CTNNA2: variants seen among roughly 807,000 people sequenced by gnomAD.
The protein encoded by CTNNA2 is catenin alpha-2.
Under a neutral mutation model 101.0 loss-of-function variants are expected in CTNNA2, and 42 were observed. The ratio of observed to expected loss-of-function variants is 0.42; its 90% CI spans 0.32 to 0.54. The LOEUF (loss-of-function observed/expected upper bound fraction) is 0.54. CTNNA2 is among the 20% of genes least tolerant of loss of function. The pLI is 0.14. For missense variants in CTNNA2, 871 were observed against 1,223.1 expected, an observed-to-expected ratio of 0.71 and a Z score of 4.29; for synonymous variants, 450 against 456.4, an observed-to-expected ratio of 0.99 and a Z score of 0.18.
rs772613500 is a variant in CTNNA2 at position 79,932,017 on chromosome 2, C to T, written c.1056+22220C>T. On this transcript the variant is annotated intron_variant, in intron 7 of 18. Transcript: ENST00000402739. ...TGCGGTCAGCAACTGCCCATTGAGC[C>T]TCTCTCACACCTTCAGATTCTTTGA... Among the ~76,000 whole-genome samples, 28 of 152,208 alleles carry T rather than the reference C, an allele frequency of 1.8e-4. 1 individual carries two copies. The highest frequency in any genetic ancestry group is 1.2e-4 in the Non-Finnish European group (8 of 68,040).
At chr2:80,069,674 ATAAAT>A (rs1417148264) in intron 7 of CTNNA2, among the ~76,000 whole-genome samples, 1 of 152,210 alleles carries the variant, frequency 6.6e-6, no homozygotes, top group Non-Finnish European at 1.5e-5. Flanking sequence ...AAGAGAGGAA[ATAAAT>A]TGAAGAGATT....
chr2:79,267,832 T>C (rs373550922), intron 2 of CTNNA2, among the ~76,000 whole-genome samples: 1 of 152,108 alleles, frequency 6.6e-6, no homozygotes, highest in African/African-American at 2.4e-5. Context: ...CTGGAGATAA[T>C]CCTAATGTGT....
intron 4 of CTNNA2, chr2:79,500,689 G>A (rs539449661): frequency 6.6e-5 from 10 of 152,334 alleles, no homozygotes; most frequent in African/African-American, 2.2e-4. Context: ...CACTAGTGGA[G>A]GGATGAGATT....
chr2:79,866,091 A>G (rs917788425), intron 4 of CTNNA2, among the ~76,000 whole-genome samples: 1 of 152,230 alleles, frequency 6.6e-6, no homozygotes, highest in Non-Finnish European at 1.5e-5. Flanking sequence ...TGACTATCTC[A>G]AACAATATGA....
At chr2:80,006,423 C>T (rs145997677) in intron 7 of CTNNA2, among the ~76,000 whole-genome samples, 1 of 151,114 alleles carries the variant, frequency 6.6e-6, no homozygotes, top group Non-Finnish European at 1.5e-5. Context: ...TTGTCTAGAA[C>T]CCTACAGCTC....
chr2:79,306,393 CTAAT>C (rs1384682832), intron 2 of CTNNA2, among the ~76,000 whole-genome samples: 1 of 152,138 alleles, frequency 6.6e-6, no homozygotes, highest in East Asian at 1.9e-4. Context: ...AATGCATATA[CTAAT>C]TAGTTTGATT....
At chr2:79,508,980 T>G (rs1481405498), upstream of CTNNA2, among the ~76,000 whole-genome samples, 3 of 38,118 alleles carry the variant, frequency 7.9e-5, no homozygotes, top group South Asian at 1.7e-3. Context: ...TATATATATA[T>G]ATATATATAT....
chr2:80,410,517 T>C (rs1679473255), intron 8 of CTNNA2, among the ~76,000 whole-genome samples: 1 of 152,254 alleles, frequency 6.6e-6, no homozygotes. Flanking sequence ...TCTTGACTCC[T>C]GTCAGACTTA....
intron 2 of CTNNA2, among the ~76,000 whole-genome samples, chr2:79,217,492 C>A (rs1276354338): frequency 1.3e-5 from 2 of 151,254 alleles, no homozygotes; most frequent in Non-Finnish European, 2.9e-5. Context: ...GGTTCTCTGG[C>A]GGGCAGGAGT....
intron 9 of CTNNA2, among the ~76,000 whole-genome samples, chr2:80,420,180 T>C (rs1173648332): frequency 6.6e-6 from 1 of 152,086 alleles, no homozygotes; most frequent in East Asian, 1.9e-4. Context: ...GGAGTTGTTT[T>C]ATAAATGCAA....
chr2:79,357,865 T>TA (rs1248299121), intron 3 of CTNNA2, among the ~76,000 whole-genome samples: 1 of 152,148 alleles, frequency 6.6e-6, no homozygotes, highest in African/African-American at 2.4e-5. Context: ...AACGTTTTTT[T>TA]AAAGCGAAGA....
intron 7 of CTNNA2, among the ~76,000 whole-genome samples, chr2:80,158,958 T>C (rs1704143047): frequency 3.3e-5 from 5 of 151,806 alleles, no homozygotes; most frequent in Admixed American, 3.3e-4. Context: ...ATACAGTCCG[T>C]GACATTTGGG....
At chr2:79,656,158 A>C (rs1681602452) in intron 2 of CTNNA2, among the ~76,000 whole-genome samples, 1 of 152,174 alleles carries the variant, frequency 6.6e-6, no homozygotes, top group Non-Finnish European at 1.5e-5. Flanking sequence ...TCCCTACAAT[A>C]CATGACTGTG....
intron 4 of CTNNA2, among the ~76,000 whole-genome samples, chr2:79,475,519 CT>C (rs1294878104): frequency 6.6e-6 from 1 of 152,058 alleles, no homozygotes; most frequent in Non-Finnish European, 1.5e-5. Context: ...AGGTTACAGT[CT>C]AATATGAACC....
At chr2:79,378,503 A>G (rs1678003789) in intron 4 of CTNNA2, among the ~76,000 whole-genome samples, 1 of 152,190 alleles carries the variant, frequency 6.6e-6, no homozygotes, top group Admixed American at 6.5e-5. Context: ...CCAAAGACAT[A>G]GTTTCCTGTG....
chr2:80,519,998 A>T (rs1261464876), intron 9 of CTNNA2, among the ~76,000 whole-genome samples: 1 of 152,142 alleles, frequency 6.6e-6, no homozygotes, highest in African/African-American at 2.4e-5. Flanking sequence ...AGATGGGGTC[A>T]CATCATTGAT....
intron 3 of CTNNA2, among the ~76,000 whole-genome samples, chr2:79,819,689 T>C (rs1574053579): frequency 2.0e-5 from 3 of 152,050 alleles, no homozygotes; most frequent in Non-Finnish European, 2.9e-5. Context: ...GGTACAAAAA[T>C]ACAGTTAGAT....
chr2:80,218,616 C>A (rs1174199095), intron 7 of CTNNA2, among the ~76,000 whole-genome samples: 1 of 152,196 alleles, frequency 6.6e-6, no homozygotes, highest in Non-Finnish European at 1.5e-5. Flanking sequence ...AGGCTCAGTT[C>A]TCTTGACTGT....
At chr2:80,329,546 G>A (rs1162527504) in intron 7 of CTNNA2, among the ~76,000 whole-genome samples, 1 of 152,172 alleles carries the variant, frequency 6.6e-6, no homozygotes, top group Non-Finnish European at 1.5e-5. Context: ...AGAGGATGTA[G>A]GGAACAGGTT....
Sources: allele counts gnomAD v4.1 joint callset (sites outside exome capture counted in the v4.1 genomes callset), GRCh38; gene constraint gnomAD v4.1.1; transcripts MANE v1.5; gene names NCBI Gene and HGNC (gene_info 2026-07-23, HGNC 2026-07-21).